EPHB4: variants seen among roughly 807,000 people sequenced by gnomAD.
EPHB4 encodes EPH receptor B4.
Under a neutral mutation model 110.6 loss-of-function variants are expected in EPHB4, and 50 were observed. The observed-to-expected ratio is 0.45, with a 90% confidence interval of 0.36 to 0.57. The LOEUF (loss-of-function observed/expected upper bound fraction) is 0.57. Ranked by LOEUF, EPHB4 falls within the 20% of genes least tolerant of loss-of-function variation. The pLI, the probability that EPHB4 is intolerant of heterozygous loss-of-function variation, is 0.00. For missense variants in EPHB4, 1,128 were observed against 1,382.1 expected (o/e 0.82, Z 2.91); for synonymous variants, 592 against 578.4 (o/e 1.02, Z -0.34).
In EPHB4 at chr7:100,823,887, G is replaced by A. The variant is rs530952775; in HGVS notation, c.168C>T (p.Arg56=). ...SGLDEEQHSV[R]TYEVCDVQRA... is the part of the protein sequence containing the mutation. ...GCTGCACGTCACACACTTCGTAGGT[G>A]CGCACGCTGTGCTGTTCCTCATCCA... Residue 56 remains arginine (R), a synonymous_variant, in exon 3 of 17, where the codon CGC becomes CGT. Coordinates refer to ENST00000358173, the MANE Select transcript of EPHB4 (RefSeq NM_004444.5). 4 of 1,607,848 alleles carry A rather than the reference G, an allele frequency of 2.5e-6. No individual in the cohort carries two copies. In the East Asian group the frequency reaches 6.7e-5, roughly 27 times the overall value.
rs749634145 is a variant in EPHB4, at chr7:100,817,271, G to A, written c.1509C>T (p.Tyr503=). Residue 503 remains tyrosine, a synonymous_variant, in exon 8 of 17, where the codon TAC becomes TAT. Transcript: ENST00000358173. ...CAGAGCGCGCCCGTACCTGCACCAGGTAGCTGGCTCCCCGCTTCAGCCCCC... is the reference window on the plus strand; with the variant it reads ...CAGAGCGCGCCCGTACCTGCACCAGATAGCTGGCTCCCCGCTTCAGCCCCC... ...ELRGLKRGAS[Y]LVQVRARSEA... is the part of the protein sequence containing the mutation. 3 of 1,605,260 alleles carry A rather than the reference G, an allele frequency of 1.9e-6. No homozygotes were observed. In the East Asian group the frequency reaches 6.8e-5, roughly 36 times the overall value.
chr7:100,821,891 T>C (rs938592774), intron 4 of EPHB4, among the ~76,000 whole-genome samples: 2 of 151,798 alleles, frequency 1.3e-5, no homozygotes, highest in African/African-American at 4.8e-5. Context: ...CTGGGTGTGG[T>C]GACGCACGCC....
At chr7:100,826,845 T>G in intron 1 of EPHB4, 134 bp downstream of exon 1, 335 of 471,776 alleles carry the variant, frequency 7.1e-4, no homozygotes, top group East Asian at 1.7e-3. Flanking sequence ...TCCAGCACTA[T>G]CGGTCCGAAG....
intron 16 of EPHB4, among the ~76,000 whole-genome samples, chr7:100,804,106 C>T (rs974381218): frequency 6.6e-6 from 1 of 152,194 alleles, no homozygotes; most frequent in African/African-American, 2.4e-5. Context: ...CTGAGACCCT[C>T]TGGCTCTAGC....
chr7:100,820,742 T>G (rs1813204941), intron 4 of EPHB4, among the ~76,000 whole-genome samples: 2 of 152,086 alleles, frequency 1.3e-5, no homozygotes, highest in African/African-American at 4.8e-5. Context: ...AGGAAAAAAG[T>G]TTGGGCTACA....
At position 100,807,554 on chromosome 7, in the gene EPHB4, G is replaced by T. The variant is rs757271698; in HGVS notation, c.2145C>A (p.Ile715=). 1.6e-5 allele frequency: 26 copies of T among 1,614,028 alleles called. No individual in the cohort carries two copies. The Admixed American group carries it at 1.8e-4, about 11-fold the overall frequency. The change falls in exon 13 of 17, where the codon ATC becomes ATA. Residue 715 remains isoleucine, a synonymous_variant. Coordinates refer to ENST00000358173, the MANE Select transcript of EPHB4 (RefSeq NM_004444.5). The part of the protein sequence containing the change: ...LRLNDGQFTV[I]QLVGMLRGIA... ...TGCCCCGCAGCATGCCCACGAGCTG[G>T]ATGACTGTGAACTGTCCGTCGTTTA...
chr7:100,806,266 C>T (rs1286467946), intron 14 of EPHB4, 154 bp downstream of exon 14: 4 of 1,000,158 alleles, frequency 4.0e-6, no homozygotes, highest in Non-Finnish European at 5.6e-6. Flanking sequence ...GGCCCTGTAT[C>T]TCAACTCTTT....
rs1269270050 is a variant in EPHB4 at position 100,805,699 on chromosome 7, A to C, written c.2485-5T>G. The C allele has an allele frequency of 6.8e-7, 1 of 1,463,434 alleles. No homozygotes were observed. Among genetic ancestry groups the C allele is most frequent in the Non-Finnish European group, 9.0e-7 (1 of 1,107,836 alleles). 90.7% of individuals were successfully genotyped at this position (1,463,434 alleles called of 1,614,324 possible). On this transcript the variant is annotated splice_polypyrimidine_tract_variant and splice_region_variant and intron_variant, in intron 14 of 16. Coordinates refer to ENST00000358173, the MANE Select transcript of EPHB4 (RefSeq NM_004444.5). ...CTGTTCAATGGCATTGATCACCTGG[A>C]AAGAGGGGAAGAAGCTCTGGGTGAG...
At chr7:100,814,076 C>T (rs1813009916) in intron 8 of EPHB4, 55 bp from the exon 9 acceptor site, 1 of 1,591,106 alleles carries the variant, frequency 6.3e-7, no homozygotes, top group African/African-American at 1.3e-5. Context: ...TAGGAGGCCC[C>T]AGCCCCGGCT....
At chr7:100,823,457 C>T (rs1427637557) in intron 3 of EPHB4, among the ~76,000 whole-genome samples, 187 bp downstream of exon 3, 2 of 152,084 alleles carry the variant, frequency 1.3e-5, no homozygotes, top group African/African-American at 2.4e-5. Context: ...GGCCAGGCAG[C>T]CCCCGTATAT....
intron 13 of EPHB4, 45 bp downstream of exon 13, chr7:100,807,320 A>C (rs747305782): frequency 6.3e-7 from 1 of 1,598,412 alleles, no homozygotes; most frequent in Non-Finnish European, 8.5e-7. Flanking sequence ...TGCCCTGCCC[A>C]CCTGGCCCTA....
rs200549250 is a variant in EPHB4 at position 100,822,660 on chromosome 7, G to A, written c.419C>T (p.Thr140Met). Residue 140 changes from threonine (T) to methionine (M), a missense_variant, in exon 4 of 17, where the codon ACG (threonine) becomes ATG (methionine). Around this residue, in one of 3 missense-constraint regions of EPHB4, gnomAD observed 728 missense variants for 828.6 expected, o/e 0.88. Coordinates refer to ENST00000358173, the MANE Select transcript of EPHB4 (RefSeq NM_004444.5). The surrounding 1 kb of genome is among the most constrained non-coding windows in gnomAD (Gnocchi z 4.7). The part of the protein sequence containing the change: ...WMENPYIKVD[T>M]VAAEHLTRKR... ...CCGGGTGAGATGCTCCGCGGCCACCGTGTCCACCTGCCGGCGGGGGGGAGG... is the reference window on the plus strand; with the variant it reads ...CCGGGTGAGATGCTCCGCGGCCACCATGTCCACCTGCCGGCGGGGGGGAGG... 118 of 1,567,366 alleles carry A rather than the reference G, an allele frequency of 7.5e-5. No homozygotes were observed. The highest frequency in any genetic ancestry group is 1.6e-4 in the Admixed American group (9 of 55,522).
chr7:100,824,519 C>T (rs113635830), intron 1 of EPHB4: 474 of 515,866 alleles, frequency 9.2e-4, no homozygotes, highest in African/African-American at 8.4e-3. Flanking sequence ...ATCTAGGCCT[C>T]CCTGGAGGAG....
At chr7:100,809,553 G>A (rs1812885782) in intron 12 of EPHB4, among the ~76,000 whole-genome samples, 1 of 152,250 alleles carries the variant, frequency 6.6e-6, no homozygotes, top group East Asian at 1.9e-4. Flanking sequence ...AGATGGGATC[G>A]CCCAGGCTGG....
intron 10 of EPHB4, 108 bp from the exon 11 acceptor site, chr7:100,813,316 T>C: frequency 2.6e-4 from 228 of 876,828 alleles, no homozygotes; most frequent in Middle Eastern, 2.2e-3. Flanking sequence ...GTTTTTTTTT[T>C]TTTTTTTTTT....
intron 1 of EPHB4, among the ~76,000 whole-genome samples, chr7:100,826,036 C>G (rs1489388624): frequency 6.6e-6 from 1 of 152,244 alleles, no homozygotes; most frequent in Non-Finnish European, 1.5e-5. Flanking sequence ...CTGAATCCTT[C>G]CCTTTGGGAG....
chr7:100,806,701 A>C, intron 13 of EPHB4, 132 bp from the exon 14 acceptor site: 5 of 1,102,968 alleles, frequency 4.5e-6, no homozygotes, highest in African/African-American at 1.6e-5. Context: ...CCTACTCTCC[A>C]ACTCTGTTTG....
chr7:100,806,731 G>A (rs1002066390), intron 13 of EPHB4, among the ~76,000 whole-genome samples, 162 bp from the exon 14 acceptor site: 1 of 152,072 alleles, frequency 6.6e-6, no homozygotes, highest in African/African-American at 2.4e-5. Context: ...GAGTGCAGTG[G>A]TGCGATCTTG....
Position 100,807,374 on chromosome 7 carries a change from C to T in EPHB4, c.2325G>A (p.Thr775=), listed in dbSNP as rs1336197471. 5.0e-6 allele frequency: 8 copies of T among 1,613,634 alleles called. No individual in the cohort carries two copies. The highest frequency in any genetic ancestry group is 1.6e-4 in the Middle Eastern group (1 of 6,062). Residue 775 remains threonine, a synonymous_variant, in exon 13 of 17, where the codon ACG becomes ACA. Transcript: ENST00000358173. ...TTACCCCCAGCATTACCAGGGAGCTCGTGTAGGTGGGATCGGAAGAGTTCT... is the reference window on the plus strand; with the variant it reads ...TTACCCCCAGCATTACCAGGGAGCTTGTGTAGGTGGGATCGGAAGAGTTCT... The part of the protein sequence containing the change: ...LEENSSDPTY[T]SSLGGKIPIR...
Sources: gnomAD v4.1 joint callset for allele counts (sites outside exome capture counted in the v4.1 genomes callset) on GRCh38, gnomAD v4.1.1 for gene constraint, gnomAD v4.1.1 regional missense constraint, Gnocchi (gnomAD v3.1) non-coding constraint, MANE v1.5 for transcripts, NCBI Gene and HGNC (gene_info 2026-07-23, HGNC 2026-07-21) for gene names.